Variants in DEFB116 observed in about 807,000 individuals in gnomAD.
DEFB116 encodes the protein defensin beta 116.
A neutral mutation model predicts 2.8 loss-of-function variants in DEFB116; 5 were observed. That is an observed-to-expected ratio of 1.80 (90% CI 0.94 to 3.79). DEFB116 has a LOEUF of 3.79. DEFB116 is among the 30% of genes most tolerant of loss of function. DEFB116 has a pLI of 0.00. For synonymous variants in DEFB116, 56 were observed against 40.8 expected, an observed-to-expected ratio of 1.37 and a Z score of -1.42; for missense variants, 170 against 118.0, an observed-to-expected ratio of 1.44 and a Z score of -2.04.
chr20:31,304,143 C>G (rs1023555307), intron 1 of DEFB116, among the ~76,000 whole-genome samples: 1 of 152,082 alleles, frequency 6.6e-6, no homozygotes, highest in African/African-American at 2.4e-5. Flanking sequence ...CTGTACAAAC[C>G]TTCACCATGC....
At chr20:31,307,940 A>G (rs575624478) in intron 1 of DEFB116, among the ~76,000 whole-genome samples, 1 of 152,086 alleles carries the variant, frequency 6.6e-6, no homozygotes, top group Non-Finnish European at 1.5e-5. Flanking sequence ...CACAGCATCA[A>G]TCTAAAACAC....
chr20:31,307,941 TC>T (rs1210027984), intron 1 of DEFB116, among the ~76,000 whole-genome samples: 1 of 151,750 alleles, frequency 6.6e-6, no homozygotes, highest in Non-Finnish European at 1.5e-5. Context: ...ACAGCATCAA[TC>T]TAAAACACAA....
intron 1 of DEFB116, among the ~76,000 whole-genome samples, chr20:31,305,264 G>A (rs2122448671): frequency 6.6e-6 from 1 of 152,160 alleles, no homozygotes; most frequent in Admixed American, 6.5e-5. Context: ...CCTCCCCCAA[G>A]TGATATCCAT....
At chr20:31,304,887 A>G (rs1336114239) in intron 1 of DEFB116, among the ~76,000 whole-genome samples, 13 of 152,154 alleles carry the variant, frequency 8.5e-5, no homozygotes, top group Admixed American at 8.5e-4. Context: ...TTGCATGGAA[A>G]AAATGAATAC....
chr20:31,307,380 T>C (rs1450620192), intron 1 of DEFB116, among the ~76,000 whole-genome samples: 1 of 152,090 alleles, frequency 6.6e-6, no homozygotes, highest in Middle Eastern at 3.2e-3. Context: ...AATAATAAAA[T>C]TGGATATTTA....
intron 1 of DEFB116, 87 bp downstream of exon 1, chr20:31,308,432 A>T: frequency 7.5e-7 from 1 of 1,327,542 alleles, no homozygotes; most frequent in Non-Finnish European, 1.1e-6. Flanking sequence ...GTTGCCCACT[A>T]TATGTGAGTA....
At position 31,303,219 on chromosome 20, in the gene DEFB116, TGA is replaced by T. The variant is rs777800577; in HGVS notation, c.300_301del (p.Ile102LeufsTer?). 6.2e-7 allele frequency: 1 copy of T among 1,613,120 alleles called. No homozygotes were observed. Among genetic ancestry groups the T allele is most frequent in the South Asian group, 1.1e-5 (1 of 91,040 alleles). On this transcript the variant is annotated frameshift_variant, in exon 2 of 2. Coordinates refer to ENST00000400549, the MANE Select transcript of DEFB116 (RefSeq NM_001037731.1). LOFTEE classifies it high-confidence loss of function. ...AGGAGACGTTGGTGATATTCAAATG[TGA>T]GAGTAGCTTGAACTGTTTGTAACTG...
At chr20:31,306,918 G>T (rs1462282710) in intron 1 of DEFB116, among the ~76,000 whole-genome samples, 2 of 152,022 alleles carry the variant, frequency 1.3e-5, no homozygotes, top group African/African-American at 4.8e-5. Flanking sequence ...GTTCTTCAGT[G>T]CCCTTGAAAA....
chr20:31,303,288 G>C lies in DEFB116; in HGVS notation c.233C>G (p.Ser78Cys). The change falls in exon 2 of 2, where the codon TCT becomes TGT. Residue 78 changes from serine (S) to cysteine (C), a missense_variant. Transcript: ENST00000400549. ...CLKLSVKITS[S>C]KNVKEDYDSN... ...GTCGTAATCCTCCTTCACATTTTTAGAACTGGTTATTTTCACAGAAAGTTT... is the reference window on the plus strand; with the variant it reads ...GTCGTAATCCTCCTTCACATTTTTACAACTGGTTATTTTCACAGAAAGTTT... 1.2e-6 allele frequency: 2 copies of C among 1,613,588 alleles called. No homozygotes were observed. The highest frequency in any genetic ancestry group is 2.2e-5 in the South Asian group (2 of 91,080).
At chr20:31,303,839 CAT>C (rs1486529684) in intron 1 of DEFB116, among the ~76,000 whole-genome samples, 3 of 152,130 alleles carry the variant, frequency 2.0e-5, no homozygotes, top group Admixed American at 6.5e-5. Context: ...ACTGTGAGCA[CAT>C]ATGTCCCCAA....
chr20:31,306,747 G>A (rs557074558), intron 1 of DEFB116, among the ~76,000 whole-genome samples: 1 of 152,258 alleles, frequency 6.6e-6, no homozygotes, highest in East Asian at 1.9e-4. Flanking sequence ...AGATGAATCT[G>A]AACTCACTAT....
At chr20:31,306,161 C>G (rs1431248730) in intron 1 of DEFB116, among the ~76,000 whole-genome samples, 1 of 152,258 alleles carries the variant, frequency 6.6e-6, no homozygotes, top group Non-Finnish European at 1.5e-5. Context: ...GATCCTCTCC[C>G]ATCCAATCTC....
intron 1 of DEFB116, among the ~76,000 whole-genome samples, chr20:31,305,157 T>A (rs994588613): frequency 5.3e-5 from 8 of 152,048 alleles, no homozygotes; most frequent in Non-Finnish European, 1.5e-5. Context: ...GATATCACTG[T>A]GTTTCCCACC....
intron 1 of DEFB116, among the ~76,000 whole-genome samples, chr20:31,307,685 TCTC>T (rs1248248932): frequency 3.3e-5 from 5 of 151,856 alleles, no homozygotes; most frequent in Non-Finnish European, 7.4e-5. Context: ...GAGTCAATAT[TCTC>T]CTTATTTCAA....
chr20:31,308,428 C>A, intron 1 of DEFB116, 91 bp downstream of exon 1: 1 of 1,291,508 alleles, frequency 7.7e-7, no homozygotes, highest in Non-Finnish European at 1.1e-6. Flanking sequence ...AGGTGTTGCC[C>A]ACTATATGTG....
chr20:31,307,165 C>T (rs1985009068), intron 1 of DEFB116, among the ~76,000 whole-genome samples: 1 of 152,070 alleles, frequency 6.6e-6, no homozygotes, highest in Non-Finnish European at 1.5e-5. Flanking sequence ...AGTTTTCTCC[C>T]ACCATCTTAT....
chr20:31,308,116 T>C (rs897955604), intron 1 of DEFB116, among the ~76,000 whole-genome samples: 1 of 152,130 alleles, frequency 6.6e-6, no homozygotes, highest in Non-Finnish European at 1.5e-5. Flanking sequence ...ACTCACTTTT[T>C]GGATATTACC....
chr20:31,307,267 G>A (rs966212282), intron 1 of DEFB116, among the ~76,000 whole-genome samples: 55 of 152,022 alleles, frequency 3.6e-4, no homozygotes, highest in African/African-American at 1.1e-3. Flanking sequence ...ACACAGTACC[G>A]TTAACTATAG....
At chr20:31,306,683 AAAG>A (rs1292282394) in intron 1 of DEFB116, among the ~76,000 whole-genome samples, 1 of 152,134 alleles carries the variant, frequency 6.6e-6, no homozygotes, top group Admixed American at 6.6e-5. Context: ...GAGAGGAGGA[AAAG>A]AAGAAGAAAA....
Sources: gnomAD v4.1 joint callset for allele counts (sites outside exome capture counted in the v4.1 genomes callset) on GRCh38, gnomAD v4.1.1 for gene constraint, MANE v1.5 for transcripts, NCBI Gene and HGNC (gene_info 2026-07-23, HGNC 2026-07-21) for gene names.